HDAC4: variants seen among roughly 807,000 people sequenced by gnomAD.
HDAC4 encodes the protein histone deacetylase A.
HDAC4 carries 16 observed loss-of-function variants against 135.1 expected under a neutral mutation model. The ratio of observed to expected loss-of-function variants is 0.12; its 90% CI spans 0.08 to 0.18. HDAC4 has a LOEUF of 0.18. Among genes scored for constraint, HDAC4 ranks in the 10% least tolerant of loss-of-function variants. The pLI is 1.00. For synonymous variants in HDAC4, 685 were observed against 653.4 expected, an observed-to-expected ratio of 1.05 and a Z score of -0.74; for missense variants, 1,143 against 1,511.8, an observed-to-expected ratio of 0.76 and a Z score of 4.05.
chr2:239,087,639 G>T, intron 18 of HDAC4, 25 bp from the exon 19 acceptor site: 2 of 1,611,930 alleles, frequency 1.2e-6, no homozygotes, highest in Non-Finnish European at 1.7e-6. Flanking sequence ...AGACAGCCAG[G>T]AGAGAGCAAC....
intron 2 of HDAC4, among the ~76,000 whole-genome samples, chr2:239,312,401 C>CT (rs1427710593): frequency 6.6e-6 from 1 of 152,200 alleles, no homozygotes; most frequent in African/African-American, 2.4e-5. Flanking sequence ...GCACCACCAT[C>CT]CATGCTGGCC....
intron 1 of HDAC4, among the ~76,000 whole-genome samples, chr2:239,397,653 C>T (rs546271436): frequency 6.6e-6 from 1 of 152,276 alleles, no homozygotes; most frequent in South Asian, 2.1e-4. Flanking sequence ...GCACCATGGC[C>T]CTCATGCCAC....
rs764941623 is a variant in HDAC4, at chr2:239,090,078, C to T, written c.2319G>A (p.Ala773=). ...AGCCCACAGCCAGGCGGGCTGCCCC[C>T]GCCGAGTGCACCTCGTTCCATATGG... is the stretch of plus-strand genomic sequence containing the variant. ...SDTIWNEVHS[A]GAARLAVGCV... Residue 773 remains alanine, a synonymous_variant, in exon 18 of 27, where the codon GCG becomes GCA. Coordinates refer to ENST00000543185, the MANE Select transcript of HDAC4 (RefSeq NM_001378414.1). 3.7e-5 allele frequency: 59 copies of T among 1,613,850 alleles called. No homozygotes were observed. The East Asian group carries it at 7.1e-4, about 20-fold the overall frequency.
At position 239,146,621 on chromosome 2, in the gene HDAC4, C is replaced by T. The variant is rs2152922284; in HGVS notation, c.734-1907G>A. 6.6e-6 allele frequency among the ~76,000 whole-genome samples: 1 copy of T among 152,278 alleles called. No individual in the cohort carries two copies. Among genetic ancestry groups the T allele is most frequent in the Middle Eastern group, 3.4e-3 (1 of 294 alleles). ...AGTCAGGCGGCAGATCCTCCACAGC[C>T]CTGCCGGGCACTCCAGACTCTTTGT... On this transcript the variant is annotated intron_variant, in intron 7 of 26. Transcript: ENST00000543185. This position sits in a 1 kb window ranked among gnomAD's most constrained non-coding sequence, Gnocchi z 4.5.
At chr2:239,332,479 T>C (rs1691652440) in intron 2 of HDAC4, among the ~76,000 whole-genome samples, 1 of 152,088 alleles carries the variant, frequency 6.6e-6, no homozygotes, top group Non-Finnish European at 1.5e-5. Flanking sequence ...TTTAGAAATA[T>C]ATTTCTAATT....
rs1357510113 is a variant in HDAC4 at position 239,299,770 on chromosome 2, G to A, written c.22+52908C>T. Among the ~76,000 whole-genome samples the A allele has an allele frequency of 6.6e-6, 1 of 152,188 alleles. No homozygotes were observed. Among genetic ancestry groups the A allele is most frequent in the Non-Finnish European group, 1.5e-5 (1 of 68,044 alleles). On this transcript the variant is annotated intron_variant, in intron 2 of 26. Transcript: ENST00000543185. The surrounding 1 kb of genome is among the most constrained non-coding windows in gnomAD (Gnocchi z 4.0). ...CAGCACAGTCCAGCTGGGGCCCAGG[G>A]ACTGGCACAGCTGTTCCGCTCTGCT...
intron 12 of HDAC4, among the ~76,000 whole-genome samples, chr2:239,118,720 C>T (rs571287504): frequency 3.1e-4 from 47 of 152,222 alleles, no homozygotes; most frequent in African/African-American, 1.1e-3. Flanking sequence ...TAAATACATG[C>T]GACTGTTTCC....
intron 14 of HDAC4, among the ~76,000 whole-genome samples, chr2:239,109,794 T>G (rs1042886388): frequency 6.6e-6 from 1 of 152,200 alleles, no homozygotes; most frequent in African/African-American, 2.4e-5. Flanking sequence ...AAACAACCAG[T>G]TGCTCACGGA....
intron 1 of HDAC4, among the ~76,000 whole-genome samples, chr2:239,369,360 G>T (rs938729071): frequency 2.6e-5 from 4 of 152,166 alleles, no homozygotes; most frequent in Non-Finnish European, 4.4e-5. Context: ...TGCCCGGCGG[G>T]GGGTGGGCAG....
chr2:239,098,510 C>T lies in HDAC4; in HGVS notation c.2234-3454G>A, dbSNP rs144806237. The stretch of plus-strand genomic sequence containing the variant: ...CACTCGCCAGGGGCCCAGCTCTGCC[C>T]GGATGCAGCACCCTGCCAGCTGACA... On this transcript the variant is annotated intron_variant, in intron 16 of 26. Coordinates refer to ENST00000543185, the MANE Select transcript of HDAC4 (RefSeq NM_001378414.1). 4.2e-3 allele frequency among the ~76,000 whole-genome samples: 647 copies of T among 152,368 alleles called. 6 individuals are homozygous for T. The highest frequency in any genetic ancestry group is 0.014 in the African/African-American group (599 of 41,580).
chr2:239,361,941 C>T (rs1693895628), intron 1 of HDAC4, among the ~76,000 whole-genome samples: 1 of 152,190 alleles, frequency 6.6e-6, no homozygotes. Flanking sequence ...AAAGCACATG[C>T]TACTAAGATC....
intron 2 of HDAC4, among the ~76,000 whole-genome samples, chr2:239,350,197 A>G (rs549687046): frequency 6.6e-6 from 1 of 152,326 alleles, no homozygotes; most frequent in East Asian, 1.9e-4. Flanking sequence ...TCAAAGAAAC[A>G]TTAAACAAAG....
rs2030617208 is a variant in HDAC4 at position 239,050,150 on chromosome 2, C to G, written c.*2947G>C. 6.6e-6 allele frequency: 1 copy of G among 152,614 alleles called. No individual in the cohort carries two copies. The highest frequency in any genetic ancestry group is 6.5e-5 in the Admixed American group (1 of 15,292). 9.5% of individuals were successfully genotyped at this position (152,614 alleles called of 1,614,324 possible). ...AGGCTACACAGTAATGCTCTCAGCACATTTGTGAAGCTGGAGTGAGCTGAC... is the reference window on the plus strand; with the variant it reads ...AGGCTACACAGTAATGCTCTCAGCAGATTTGTGAAGCTGGAGTGAGCTGAC... On this transcript the variant is annotated 3_prime_UTR_variant, in exon 27 of 27. Coordinates refer to ENST00000543185, the MANE Select transcript of HDAC4 (RefSeq NM_001378414.1).
chr2:239,335,073 G>C (rs1198653142), intron 2 of HDAC4, among the ~76,000 whole-genome samples: 1 of 132,824 alleles, frequency 7.5e-6, no homozygotes, highest in Non-Finnish European at 1.7e-5. Flanking sequence ...GGGCTAAAAA[G>C]AACCAAAACA....
chr2:239,079,473 G>A (rs111473996), intron 22 of HDAC4, among the ~76,000 whole-genome samples: 2,455 of 152,276 alleles, frequency 0.016, 54 homozygotes, highest in African/African-American at 0.056. Flanking sequence ...GGGGGCCCAC[G>A]TGTCCTGGGC....
intron 2 of HDAC4, among the ~76,000 whole-genome samples, chr2:239,333,090 A>G (rs781277312): frequency 7.9e-5 from 12 of 152,190 alleles, no homozygotes; most frequent in Non-Finnish European, 1.8e-4. Context: ...AAACTCCAAG[A>G]TAAGTTCATA....
At chr2:239,354,547 T>C (rs1044643027) in intron 1 of HDAC4, among the ~76,000 whole-genome samples, 6 of 150,978 alleles carry the variant, frequency 4.0e-5, no homozygotes, top group African/African-American at 1.5e-4. Context: ...TTTTCTTGAT[T>C]TAATTAGTCT....
At chr2:239,113,432 C>T (rs531410463) in intron 13 of HDAC4, among the ~76,000 whole-genome samples, 152 of 152,296 alleles carry the variant, frequency 1.0e-3, no homozygotes, top group African/African-American at 3.5e-3. Flanking sequence ...GGTTAATAAG[C>T]AATCCTCCCC....
intron 3 of HDAC4, among the ~76,000 whole-genome samples, chr2:239,203,950 T>C (rs2045902885): frequency 6.6e-6 from 1 of 152,220 alleles, no homozygotes; most frequent in South Asian, 2.1e-4. Context: ...ACACTGGCTT[T>C]CATTTCCTCA....
Sources: gnomAD v4.1 joint callset for allele counts (sites outside exome capture counted in the v4.1 genomes callset) on GRCh38, gnomAD v4.1.1 for gene constraint, Gnocchi (gnomAD v3.1) non-coding constraint, MANE v1.5 for transcripts, NCBI Gene and HGNC (gene_info 2026-07-23, HGNC 2026-07-21) for gene names.